GRB10: variants seen among roughly 807,000 people sequenced by gnomAD.
The protein encoded by GRB10 is growth factor receptor bound protein 10.
A neutral mutation model predicts 80.9 loss-of-function variants in GRB10; 20 were observed. The ratio of observed to expected loss-of-function variants is 0.25; its 90% CI spans 0.17 to 0.36. The LOEUF (loss-of-function observed/expected upper bound fraction) is 0.36, where lower values mean the gene tolerates loss of function less well. GRB10 is among the 10% of genes least tolerant of loss of function. The probability of loss-of-function intolerance (pLI) is 1.00; values close to 1 mark genes in which losing one functional copy is unlikely to be tolerated. For missense variants in GRB10, 548 were observed against 747.7 expected, an observed-to-expected ratio of 0.73 and a Z score of 3.12; for synonymous variants, 291 against 291.5, an observed-to-expected ratio of 1.00 and a Z score of 0.02.
At position 50,592,675 on chromosome 7, in the gene GRB10, A is replaced by C; in HGVS notation, c.*277T>G. On this transcript the variant is annotated 3_prime_UTR_variant, in exon 19 of 19. Coordinates refer to ENST00000401949, the MANE Select transcript of GRB10 (RefSeq NM_001350814.2). ...TCTTGTTCCTAAGCGGCCCAAGCCA[A>C]GATGATCATTCCAGTTTATTTTCAA... is the stretch of plus-strand genomic sequence containing the variant. 2 of 503,954 alleles carry C rather than the reference A, an allele frequency of 4.0e-6. No individual in the cohort carries two copies. Among genetic ancestry groups the C allele is most frequent in the African/African-American group, 1.9e-5 (1 of 52,046 alleles). The allele number at this position is 503,954 out of a possible 1,614,324, so 31.2% of individuals were successfully genotyped here.
chr7:50,692,075 TTG>T (rs1472716493), intron 5 of GRB10, among the ~76,000 whole-genome samples: 16 of 152,272 alleles, frequency 1.1e-4, no homozygotes, highest in African/African-American at 3.8e-4. Context: ...GACTTTTCTC[TTG>T]TCATTATTCT....
intron 4 of GRB10, chr7:50,710,916 T>TCTCTCTCC (rs748356564): frequency 1.1e-5 from 17 of 1,612,142 alleles, no homozygotes; most frequent in Non-Finnish European, 1.4e-5. Flanking sequence ...ATAGGAGGTC[T>TCTCTCTCC]CTCTCTCCCT....
chr7:50,731,930 G>A (rs1378797285), intron 4 of GRB10, among the ~76,000 whole-genome samples: 4 of 152,186 alleles, frequency 2.6e-5, no homozygotes, highest in African/African-American at 4.8e-5. Flanking sequence ...TGTCTGGCCC[G>A]ACCCAGAAGG....
intron 6 of GRB10, among the ~76,000 whole-genome samples, chr7:50,672,138 G>A (rs1456210410): frequency 6.6e-6 from 1 of 152,162 alleles, no homozygotes; most frequent in Non-Finnish European, 1.5e-5. Context: ...CCCTTCCCAA[G>A]TGTCTCCTCT....
At chr7:50,603,439 T>A (rs556978981) in intron 17 of GRB10, among the ~76,000 whole-genome samples, 45 of 152,292 alleles carry the variant, frequency 3.0e-4, no homozygotes, top group Admixed American at 1.6e-3. Flanking sequence ...GAGCCTCAAG[T>A]AATCTGCTGC....
intron 7 of GRB10, among the ~76,000 whole-genome samples, chr7:50,637,789 T>A (rs886118715): frequency 6.6e-6 from 1 of 150,964 alleles, no homozygotes. Flanking sequence ...GGTATTATAT[T>A]ACCTGACTTC....
At chr7:50,617,374 C>T (rs566579879) in intron 10 of GRB10, among the ~76,000 whole-genome samples, 4 of 152,120 alleles carry the variant, frequency 2.6e-5, no homozygotes, top group Non-Finnish European at 2.9e-5. Context: ...TTGTTGGTGG[C>T]CTTAGGAAAT....
intron 3 of GRB10, among the ~76,000 whole-genome samples, chr7:50,739,721 C>T (rs2071400600): frequency 6.6e-6 from 1 of 152,220 alleles, no homozygotes; most frequent in Admixed American, 6.5e-5. Flanking sequence ...TTGTGGTCAA[C>T]ATCGGGGTCA....
intron 5 of GRB10, among the ~76,000 whole-genome samples, chr7:50,688,885 T>C (rs966437377): frequency 2.0e-4 from 31 of 152,160 alleles, no homozygotes; most frequent in African/African-American, 7.2e-4. Context: ...TCCAGGTCAC[T>C]GCAGAGTGCA....
intron 2 of GRB10, among the ~76,000 whole-genome samples, chr7:50,762,754 T>C (rs2075897317): frequency 6.6e-6 from 1 of 152,186 alleles, no homozygotes; most frequent in Non-Finnish European, 1.5e-5. Context: ...AGCAAGATTC[T>C]CAACCTAGAA....
chr7:50,716,530 G>T (rs2066898087), intron 4 of GRB10, among the ~76,000 whole-genome samples: 1 of 152,190 alleles, frequency 6.6e-6, no homozygotes, highest in African/African-American at 2.4e-5. Context: ...TGTCCAAGAT[G>T]AAACAGCAGG....
At chr7:50,792,920 C>A (rs1331747665) in intron 1 of GRB10, 1 of 147,906 alleles carries the variant, frequency 6.8e-6, no homozygotes, top group Non-Finnish European at 1.5e-5. Flanking sequence ...ACACCTCCCC[C>A]CAGGGGTCGG....
intron 7 of GRB10, among the ~76,000 whole-genome samples, chr7:50,652,750 C>T (rs185853048): frequency 5.9e-5 from 9 of 152,194 alleles, no homozygotes; most frequent in African/African-American, 7.2e-5. Flanking sequence ...TTCGCTGAGA[C>T]GGCAGATTTT....
At chr7:50,775,007 A>AC (rs1156418488) in intron 2 of GRB10, among the ~76,000 whole-genome samples, 1 of 150,928 alleles carries the variant, frequency 6.6e-6, no homozygotes, top group Admixed American at 6.6e-5. Context: ...AAACAAAAAA[A>AC]AAAACTAGCT....
intron 7 of GRB10, among the ~76,000 whole-genome samples, chr7:50,657,896 T>C (rs1198022966): frequency 1.3e-5 from 2 of 152,252 alleles, no homozygotes; most frequent in East Asian, 3.8e-4. Context: ...TCTTTTTTTT[T>C]TCTTTTTTAC....
chr7:50,736,826 T>C (rs1175360082), intron 3 of GRB10, among the ~76,000 whole-genome samples: 1 of 152,142 alleles, frequency 6.6e-6, no homozygotes, highest in African/African-American at 2.4e-5. Context: ...CTAGGAAAAC[T>C]GGACATCAGC....
At chr7:50,677,461 G>A (rs1209720814) in intron 5 of GRB10, among the ~76,000 whole-genome samples, 1 of 152,126 alleles carries the variant, frequency 6.6e-6, no homozygotes, top group African/African-American at 2.4e-5. Context: ...CCAACTGCTG[G>A]AGCGAAAATT....
chr7:50,651,183 G>C (rs957989669), intron 7 of GRB10, among the ~76,000 whole-genome samples: 1 of 152,108 alleles, frequency 6.6e-6, no homozygotes, highest in Non-Finnish European at 1.5e-5. Context: ...ATGTGTATTA[G>C]TTTGCCATGG....
chr7:50,616,699 T>C (rs765291677), intron 10 of GRB10, among the ~76,000 whole-genome samples: 20 of 152,130 alleles, frequency 1.3e-4, no homozygotes, highest in African/African-American at 4.8e-4. Context: ...ACAGTGAGTA[T>C]GTAGTGGCCA....
Sources: allele counts gnomAD v4.1 joint callset (sites outside exome capture counted in the v4.1 genomes callset), GRCh38; gene constraint gnomAD v4.1.1; transcripts MANE v1.5; gene names NCBI Gene and HGNC (gene_info 2026-07-23, HGNC 2026-07-21).